Variants in DMD observed in about 807,000 individuals in gnomAD.
DMD encodes the protein mutant dystrophin.
DMD carries 63 observed loss-of-function variants against 330.1 expected under a neutral mutation model. That is an observed-to-expected ratio of 0.19 (90% CI 0.16 to 0.24). The LOEUF (loss-of-function observed/expected upper bound fraction) is 0.24, where lower values mean the gene tolerates loss of function less well. Ranked by LOEUF, DMD falls within the 10% of genes least tolerant of loss-of-function variation. The pLI is 1.00. For synonymous variants in DMD, 1,223 were observed against 959.8 expected (o/e 1.27, Z -5.07); for missense variants, 3,344 against 2,684.1 (o/e 1.25, Z -5.43).
intron 74 of DMD, among the ~76,000 whole-genome samples, 193 bp downstream of exon 74, chrX:31,169,250 C>T (rs1043002126): frequency 1.8e-5 from 2 of 109,516 alleles, no homozygotes; most frequent in African/African-American, 6.7e-5. Context: ...CTTCATCATA[C>T]TATTGCATCC....
chrX:31,989,578 A>G (rs1304773489), intron 44 of DMD, among the ~76,000 whole-genome samples: 6 of 110,859 alleles, frequency 5.4e-5, no homozygotes, highest in Non-Finnish European at 1.1e-4. Flanking sequence ...GCAAGAAAAA[A>G]TTGTCTTTGT....
At chrX:31,475,672 C>G (rs1400145882) in intron 59 of DMD, among the ~76,000 whole-genome samples, 1 of 111,860 alleles carries the variant, frequency 8.9e-6, no homozygotes, top group Non-Finnish European at 1.9e-5. Context: ...TTTCAAAACC[C>G]TTAGTTTTCC....
Position 31,385,908 on chromosome X carries a change from T to C in DMD, c.9085-37274A>G, listed in dbSNP as rs989970360. 8.9e-5 allele frequency among the ~76,000 whole-genome samples: 10 copies of C among 112,210 alleles called. 1 individual carries two copies. In the Admixed American group the frequency reaches 9.5e-4, roughly 11 times the overall value. On this transcript the variant is annotated intron_variant, in intron 60 of 78. Transcript: ENST00000357033. ...CCCAAAGGATTATAAATCATGCTGC[T>C]ATGAAGACACATGCACACGTATGTT...
chrX:31,785,466 A>G (rs898474574), intron 50 of DMD, among the ~76,000 whole-genome samples: 2 of 112,143 alleles, frequency 1.8e-5, no homozygotes, highest in African/African-American at 6.5e-5. Context: ...CACATTTTTT[A>G]AATTATACTT....
At chrX:32,227,027 T>A (rs780993956) in intron 43 of DMD, among the ~76,000 whole-genome samples, 1 of 107,616 alleles carries the variant, frequency 9.3e-6, no homozygotes, top group South Asian at 4.2e-4. Context: ...AGACCTAATT[T>A]AAATATGAGG....
At chrX:31,231,842 C>T (rs987537792) in intron 63 of DMD, among the ~76,000 whole-genome samples, 9 of 111,866 alleles carry the variant, frequency 8.0e-5, no homozygotes, top group Non-Finnish European at 1.3e-4. Context: ...GAGATTGTGC[C>T]GTTGCACTCC....
intron 2 of DMD, among the ~76,000 whole-genome samples, chrX:33,010,234 A>ATGTACATATGTGTGTGTATG (rs2093667165): frequency 2.1e-5 from 2 of 96,781 alleles, no homozygotes; most frequent in Non-Finnish European, 4.2e-5. Flanking sequence ...GTGTGTATAT[A>ATGTACATATGTGTGTGTATG]TGTACATATG....
chrX:32,922,856 T>G (rs1177456877), intron 2 of DMD, among the ~76,000 whole-genome samples: 2 of 112,376 alleles, frequency 1.8e-5, no homozygotes, highest in Non-Finnish European at 3.8e-5. Flanking sequence ...AAAATGGTTG[T>G]AGTATTGGTA....
At chrX:33,134,398 G>A (rs189790300) in intron 1 of DMD, among the ~76,000 whole-genome samples, 295 of 111,723 alleles carry the variant, frequency 2.6e-3, no homozygotes, top group African/African-American at 9.2e-3. Flanking sequence ...AACCCCTGAA[G>A]GCAACAACAA....
chrX:33,112,482 G>T lies in DMD; in HGVS notation c.32-92282C>A, dbSNP rs1043342092. On this transcript the variant is annotated intron_variant, in intron 1 of 78. Transcript: ENST00000357033. ...TCAAAGAGAGTCTATAACGCTATGC[G>T]GTTTATTGACATTAAAGACATTAAT... Among the ~76,000 whole-genome samples, 3 of 111,182 alleles carry T rather than the reference G, an allele frequency of 2.7e-5. No individual in the cohort carries two copies. The East Asian group carries it at 8.5e-4, about 31-fold the overall frequency.
chrX:31,521,973 T>G (rs1312769253), intron 55 of DMD, among the ~76,000 whole-genome samples: 2 of 111,408 alleles, frequency 1.8e-5, no homozygotes, highest in Non-Finnish European at 3.8e-5. Context: ...GTAAGTTCTC[T>G]ATTTTAAAGA....
intron 1 of DMD, among the ~76,000 whole-genome samples, chrX:33,259,179 A>G (rs5971703): frequency 0.12 from 13,516 of 110,007 alleles, 999 homozygotes; most frequent in African/African-American, 0.27. Flanking sequence ...TGTTTTTTAG[A>G]GGAGTTTTAC....
At chrX:32,193,389 T>C (rs1290348751) in intron 44 of DMD, among the ~76,000 whole-genome samples, 1 of 112,300 alleles carries the variant, frequency 8.9e-6, no homozygotes, top group Non-Finnish European at 1.9e-5. Flanking sequence ...ATTTTATGAA[T>C]GTCTTTCGTA....
At chrX:32,722,425 T>C (rs1159263125) in intron 7 of DMD, among the ~76,000 whole-genome samples, 1 of 110,631 alleles carries the variant, frequency 9.0e-6, no homozygotes, top group African/African-American at 3.3e-5. Flanking sequence ...TGTGCATAGG[T>C]ATATGCAAAT....
At chrX:32,175,459 G>C (rs1192337946) in intron 44 of DMD, among the ~76,000 whole-genome samples, 1 of 110,684 alleles carries the variant, frequency 9.0e-6, no homozygotes, top group Non-Finnish European at 1.9e-5. Context: ...ACCTGCTTGG[G>C]TCCCCTTCCA....
chrX:32,051,769 G>A (rs748811775), intron 44 of DMD, among the ~76,000 whole-genome samples: 2 of 111,238 alleles, frequency 1.8e-5, no homozygotes, highest in African/African-American at 3.3e-5. Context: ...GAGAAGTTAC[G>A]AAAGACAAAT....
intron 51 of DMD, among the ~76,000 whole-genome samples, chrX:31,773,584 T>C (rs1013977411): frequency 4.5e-5 from 5 of 111,639 alleles, no homozygotes; most frequent in African/African-American, 1.6e-4. Flanking sequence ...TTCTGCAATA[T>C]GTTGGGCTGC....
chrX:32,720,540 T>G (rs115895953), intron 7 of DMD, among the ~76,000 whole-genome samples: 1,874 of 111,923 alleles, frequency 0.017, 43 homozygotes, highest in African/African-American at 0.057. Flanking sequence ...CCTAAATTTA[T>G]TATCTTGGTC....
chrX:32,203,835 A>C (rs1179185747), intron 44 of DMD, among the ~76,000 whole-genome samples: 1 of 111,997 alleles, frequency 8.9e-6, no homozygotes, highest in Non-Finnish European at 1.9e-5. Flanking sequence ...TTATGTTATG[A>C]CTACTGTTAT....
Sources: gnomAD v4.1 joint callset for allele counts (sites outside exome capture counted in the v4.1 genomes callset) on GRCh38, gnomAD v4.1.1 for gene constraint, MANE v1.5 for transcripts, NCBI Gene and HGNC (gene_info 2026-07-23, HGNC 2026-07-21) for gene names.